PCDHGB5: variants seen among roughly 807,000 people sequenced by gnomAD.
The protein encoded by PCDHGB5 is protocadherin gamma-B5.
Under a neutral mutation model 62.9 loss-of-function variants are expected in PCDHGB5, and 48 were observed. The observed-to-expected ratio is 0.76, with a 90% CI of 0.61 to 0.97. The LOEUF (loss-of-function observed/expected upper bound fraction) is 0.97, where lower values mean the gene tolerates loss of function less well. Among genes scored for constraint, PCDHGB5 ranks in the 50% least tolerant of loss-of-function variants. The pLI, the probability that PCDHGB5 is intolerant of heterozygous loss-of-function variation, is 0.00. For missense variants in PCDHGB5, 1,118 were observed against 1,198.6 expected, an observed-to-expected ratio of 0.93 and a Z score of 0.99; for synonymous variants, 474 against 511.2, an observed-to-expected ratio of 0.93 and a Z score of 0.98.
chr5:141,446,928 C>T (rs988582410), intron 1 of PCDHGB5, among the ~76,000 whole-genome samples: 14 of 152,132 alleles, frequency 9.2e-5, no homozygotes, highest in Non-Finnish European at 1.6e-4. Context: ...TTCCTGATCT[C>T]TTTTTCACTG....
At chr5:141,430,551 C>T (rs2097292247) in intron 1 of PCDHGB5, 2 of 406,412 alleles carry the variant, frequency 4.9e-6, no homozygotes, top group Admixed American at 4.1e-5. Context: ...CCGCTGTTCA[C>T]CAATCGGGGA....
At chr5:141,419,017 A>G (rs1478763916) in intron 1 of PCDHGB5, 4 of 1,613,928 alleles carry the variant, frequency 2.5e-6, no homozygotes, top group Non-Finnish European at 3.4e-6. Flanking sequence ...GGTGTAGCTT[A>G]AGTAGAGGTG....
In PCDHGB5 at chr5:141,485,340, C is replaced by T. The variant is rs139641513; in HGVS notation, c.2398-9467C>T. ...GTCGCTCAAGATTTCCTGCTGGATA[C>T]GGACAGTCTGTCAGCTCGCAGGCTG... is the stretch of plus-strand genomic sequence containing the variant. On this transcript the variant is annotated intron_variant, in intron 1 of 3. Coordinates refer to ENST00000617380, the MANE Select transcript of PCDHGB5 (RefSeq NM_018925.3). This position sits in a 1 kb window ranked among gnomAD's most constrained non-coding sequence, Gnocchi z 5.7. 1.2e-6 allele frequency: 2 copies of T among 1,613,958 alleles called. No individual in the cohort carries two copies. Among genetic ancestry groups the T allele is most frequent in the East Asian group, 2.2e-5 (1 of 44,884 alleles).
intron 2 of PCDHGB5, among the ~76,000 whole-genome samples, chr5:141,501,983 C>G (rs957901405): frequency 6.6e-6 from 1 of 152,068 alleles, no homozygotes; most frequent in Non-Finnish European, 1.5e-5. Flanking sequence ...CATCTGGTCC[C>G]GTTGTCTCCC....
rs1011341002 is a variant in PCDHGB5, at chr5:141,476,141, G to T, written c.2398-18666G>T. 1 of 1,610,048 alleles carries T rather than the reference G, an allele frequency of 6.2e-7. No individual in the cohort carries two copies. The highest frequency in any genetic ancestry group is 2.2e-5 in the East Asian group (1 of 44,844). On this transcript the variant is annotated intron_variant, in intron 1 of 3. Coordinates refer to ENST00000617380, the MANE Select transcript of PCDHGB5 (RefSeq NM_018925.3). The surrounding 1 kb of genome is among the most constrained non-coding windows in gnomAD (Gnocchi z 7.6). ...GATGGTCCCAGAGGCCTGGAGGAGC[G>T]GACTGGTAAGCACCGGGAGGGTAGT...
chr5:141,428,757 G>T (rs1216855355), intron 1 of PCDHGB5: 1 of 154,176 alleles, frequency 6.5e-6, no homozygotes, highest in Non-Finnish European at 1.4e-5. Context: ...CTTCAGGTTT[G>T]TTTGCCCACT....
Position 141,507,461 on chromosome 5 carries a change from G to A in PCDHGB5, c.2545+1980G>A, listed in dbSNP as rs145114393. On this transcript the variant is annotated intron_variant, in intron 3 of 3. Coordinates refer to ENST00000617380, the MANE Select transcript of PCDHGB5 (RefSeq NM_018925.3). ...AGCTGACGGAAGGACAGAGAGAGAG[G>A]TGGCAGGGACTGCTGGCCTCCTGAG... Among the ~76,000 whole-genome samples the A allele has an allele frequency of 3.8e-3, 581 of 152,330 alleles. 5 individuals are homozygous for A. Among genetic ancestry groups the A allele is most frequent in the African/African-American group, 0.012 (485 of 41,570 alleles).
rs755163825 is a variant in PCDHGB5, at chr5:141,491,048, C to A, written c.2398-3759C>A. 6.2e-6 allele frequency: 10 copies of A among 1,613,948 alleles called. No individual in the cohort carries two copies. Among genetic ancestry groups the A allele is most frequent in the Non-Finnish European group, 7.6e-6 (9 of 1,179,960 alleles). ...GTGGATGCTGATGCAGGCCACAATG[C>A]GTGGCTCTCCTACTCACTGTTGCCA... On this transcript the variant is annotated intron_variant, in intron 1 of 3. Coordinates refer to ENST00000617380, the MANE Select transcript of PCDHGB5 (RefSeq NM_018925.3). The surrounding 1 kb of genome is among the most constrained non-coding windows in gnomAD (Gnocchi z 6.9).
intron 1 of PCDHGB5, chr5:141,410,822 A>C: frequency 2.2e-6 from 1 of 461,410 alleles, no homozygotes; most frequent in Non-Finnish European, 3.6e-6. Context: ...AAATAATGTC[A>C]CCAGACTGAA....
At chr5:141,413,858 G>A (rs751172785) in intron 1 of PCDHGB5, 28 of 1,613,140 alleles carry the variant, frequency 1.7e-5, no homozygotes, top group African/African-American at 4.0e-5. Context: ...CTCCGATCTG[G>A]CACTGTCCTT....
rs200545713 is a variant in PCDHGB5 at position 141,422,296 on chromosome 5, A to G, written c.2397+21772A>G. 133 of 1,550,704 alleles carry G rather than the reference A, an allele frequency of 8.6e-5. 1 individual carries two copies. The Admixed American group carries it at 2.1e-3, about 25-fold the overall frequency. ...AACTATCACCTCTTCTATTAATTCAATTCTGGAAAACTCTCCTCCAGGTAC... is the reference window on the plus strand; with the variant it reads ...AACTATCACCTCTTCTATTAATTCAGTTCTGGAAAACTCTCCTCCAGGTAC... On this transcript the variant is annotated intron_variant, in intron 1 of 3. Transcript: ENST00000617380.
intron 1 of PCDHGB5, chr5:141,409,130 G>C (rs1265386524): frequency 2.5e-6 from 4 of 1,613,994 alleles, no homozygotes; most frequent in Non-Finnish European, 3.4e-6. Flanking sequence ...ATTTGATTTT[G>C]AAGATGTAGA....
chr5:141,421,515 CTG>C, intron 1 of PCDHGB5: 1 of 1,614,080 alleles, frequency 6.2e-7, no homozygotes, highest in Non-Finnish European at 8.5e-7. Context: ...GGGAGGAGCT[CTG>C]TGAGACGGTG....
intron 1 of PCDHGB5, chr5:141,422,221 A>T (rs1267909650): frequency 1.3e-6 from 2 of 1,565,034 alleles, no homozygotes; most frequent in Admixed American, 4.0e-5. Context: ...CTTTACCACC[A>T]CGACGATGTT....
At chr5:141,500,947 C>T (rs933082173) in intron 2 of PCDHGB5, among the ~76,000 whole-genome samples, 15 of 151,822 alleles carry the variant, frequency 9.9e-5, no homozygotes, top group African/African-American at 3.6e-4. Context: ...CGGCTCACTG[C>T]AAGCTCCACC....
At chr5:141,407,238 T>C (rs538322072) in intron 1 of PCDHGB5, among the ~76,000 whole-genome samples, 1 of 152,338 alleles carries the variant, frequency 6.6e-6, no homozygotes, top group East Asian at 1.9e-4. Context: ...AAATAAAGCA[T>C]ACTTCAGGCT....
intron 1 of PCDHGB5, chr5:141,405,129 G>A (rs755961534): frequency 9.9e-6 from 16 of 1,613,846 alleles, no homozygotes; most frequent in Middle Eastern, 3.3e-4. Context: ...CATCTGCTGC[G>A]GGCTACCAGT....
chr5:141,501,228 A>G (rs1054674676), intron 2 of PCDHGB5, among the ~76,000 whole-genome samples: 10 of 149,588 alleles, frequency 6.7e-5, no homozygotes, highest in African/African-American at 2.5e-4. Context: ...TAGATTTCTC[A>G]GTTTTTTGAG....
In PCDHGB5 at chr5:141,486,752, C is replaced by G. The variant is rs776406247; in HGVS notation, c.2398-8055C>G. On this transcript the variant is annotated intron_variant, in intron 1 of 3. Transcript: ENST00000617380. The surrounding 1 kb of genome is among the most constrained non-coding windows in gnomAD (Gnocchi z 5.0). ...TGCTACTCGATCCTTTGACTATGAG[C>G]AAACCCAGACACTGCAGTTTGAGGT... 6.2e-7 allele frequency: 1 copy of G among 1,614,244 alleles called. No individual in the cohort carries two copies. The highest frequency in any genetic ancestry group is 1.3e-5 in the African/African-American group (1 of 75,080).
Sources: allele counts gnomAD v4.1 joint callset (sites outside exome capture counted in the v4.1 genomes callset), GRCh38; gene constraint gnomAD v4.1.1; non-coding constraint Gnocchi (gnomAD v3.1); transcripts MANE v1.5; gene names NCBI Gene and HGNC (gene_info 2026-07-23, HGNC 2026-07-21).